The following RSRC1 variants were observed in gnomAD, a reference collection of about 807,000 sequenced individuals.
RSRC1 encodes the protein serine/Arginine-related protein 53.
In RSRC1, 39 loss-of-function variants were observed where a neutral mutation model predicts 49.1. The ratio of observed to expected loss-of-function variants is 0.79; its 90% confidence interval spans 0.61 to 1.04. The LOEUF (loss-of-function observed/expected upper bound fraction) is 1.04. RSRC1 is among the 50% of genes least tolerant of loss of function. The pLI, the probability that RSRC1 is intolerant of heterozygous loss-of-function variation, is 0.00. For synonymous variants in RSRC1, 143 were observed against 130.8 expected, an observed-to-expected ratio of 1.09 and a Z score of -0.63; for missense variants, 388 against 402.4, an observed-to-expected ratio of 0.96 and a Z score of 0.31.
At chr3:158,334,845 C>T (rs1729796666) in intron 5 of RSRC1, among the ~76,000 whole-genome samples, 1 of 152,120 alleles carries the variant, frequency 6.6e-6, no homozygotes, top group Non-Finnish European at 1.5e-5. Context: ...TTAAACATTT[C>T]TGCTTAGTGG....
intron 3 of RSRC1, among the ~76,000 whole-genome samples, chr3:158,150,372 G>A (rs1478099136): frequency 6.6e-6 from 1 of 152,076 alleles, no homozygotes; most frequent in African/African-American, 2.4e-5. Context: ...TTGTATTTGG[G>A]GGAAATCACA....
intron 3 of RSRC1, among the ~76,000 whole-genome samples, chr3:158,179,990 A>G (rs551842546): frequency 6.6e-6 from 1 of 152,312 alleles, no homozygotes; most frequent in South Asian, 2.1e-4. Context: ...AATGATGCTG[A>G]ACAACTTTTC....
intron 3 of RSRC1, among the ~76,000 whole-genome samples, chr3:158,159,333 G>A (rs1404788523): frequency 6.6e-6 from 1 of 152,126 alleles, no homozygotes; most frequent in East Asian, 1.9e-4. Context: ...GAATGTGATG[G>A]CCATTCACCA....
At chr3:158,269,017 C>T (rs1322915738) in intron 4 of RSRC1, among the ~76,000 whole-genome samples, 1 of 151,954 alleles carries the variant, frequency 6.6e-6, no homozygotes, top group Admixed American at 6.6e-5. Flanking sequence ...AGGTTATAAC[C>T]TTAAAGTTTT....
chr3:158,150,930 C>G (rs1482796309), intron 3 of RSRC1, among the ~76,000 whole-genome samples: 1 of 152,126 alleles, frequency 6.6e-6, no homozygotes, highest in Non-Finnish European at 1.5e-5. Flanking sequence ...AACTTCATAA[C>G]CTATACCAGT....
At chr3:158,236,047 C>T (rs1049937404) in intron 4 of RSRC1, among the ~76,000 whole-genome samples, 6 of 150,970 alleles carry the variant, frequency 4.0e-5, no homozygotes, top group South Asian at 2.1e-4. Context: ...ACTCAGGAGG[C>T]GGAGGTTGCA....
chr3:158,178,693 T>C (rs1354736668), intron 3 of RSRC1, among the ~76,000 whole-genome samples: 1 of 152,198 alleles, frequency 6.6e-6, no homozygotes, highest in Non-Finnish European at 1.5e-5. Flanking sequence ...GTAGACATGA[T>C]CATTGGAATT....
intron 3 of RSRC1, among the ~76,000 whole-genome samples, chr3:158,188,761 A>G (rs1720064383): frequency 6.6e-6 from 1 of 151,968 alleles, no homozygotes; most frequent in African/African-American, 2.4e-5. Context: ...TGAAGAGTTT[A>G]TCAACCTTAT....
At chr3:158,358,808 G>A (rs1019359390) in intron 6 of RSRC1, among the ~76,000 whole-genome samples, 4 of 151,570 alleles carry the variant, frequency 2.6e-5, no homozygotes, top group Non-Finnish European at 5.9e-5. Flanking sequence ...CTCTGTCTCC[G>A]TTTGTCTATT....
chr3:158,365,737 T>A (rs1731727345), intron 6 of RSRC1, among the ~76,000 whole-genome samples: 1 of 152,206 alleles, frequency 6.6e-6, no homozygotes, highest in Non-Finnish European at 1.5e-5. Flanking sequence ...TCATCCACAA[T>A]GGTTGGATTA....
intron 3 of RSRC1, among the ~76,000 whole-genome samples, chr3:158,160,860 A>G (rs1288528372): frequency 6.6e-6 from 1 of 152,186 alleles, no homozygotes; most frequent in Non-Finnish European, 1.5e-5. Flanking sequence ...TGTCAGCATC[A>G]CCTTAACTTT....
At chr3:158,206,795 T>C (rs1721366915) in intron 4 of RSRC1, among the ~76,000 whole-genome samples, 2 of 152,208 alleles carry the variant, frequency 1.3e-5, no homozygotes, top group Non-Finnish European at 2.9e-5. Flanking sequence ...GTGCCTGTAA[T>C]CCCAGCTACT....
intron 5 of RSRC1, chr3:158,336,833 T>C (rs904527949): frequency 2.6e-5 from 4 of 152,160 alleles, no homozygotes; most frequent in Non-Finnish European, 5.9e-5. Context: ...TGATATTCCT[T>C]ATGTTCGTCT....
chr3:158,116,815 A>G (rs531323195), intron 1 of RSRC1, among the ~76,000 whole-genome samples: 10 of 152,286 alleles, frequency 6.6e-5, no homozygotes, highest in Admixed American at 2.0e-4. Context: ...GTAAGCTTCT[A>G]TAGGGAAAGG....
At chr3:158,253,204 A>T (rs1724326472) in intron 4 of RSRC1, among the ~76,000 whole-genome samples, 1 of 151,660 alleles carries the variant, frequency 6.6e-6, no homozygotes, top group African/African-American at 2.4e-5. Context: ...GTAGATTCTT[A>T]TTCCTGTAAA....
intron 7 of RSRC1, among the ~76,000 whole-genome samples, chr3:158,502,836 C>CTA (rs558892714): frequency 6.7e-4 from 102 of 152,266 alleles, no homozygotes; most frequent in African/African-American, 2.3e-3. Context: ...AGCTTAATAA[C>CTA]TAACCTCCTG....
At chr3:158,180,266 G>A (rs1279440211) in intron 3 of RSRC1, among the ~76,000 whole-genome samples, 1 of 151,576 alleles carries the variant, frequency 6.6e-6, no homozygotes, top group East Asian at 1.9e-4. Context: ...TGCTTTTGGT[G>A]TCAAATCCAA....
chr3:158,298,320 G>A lies in RSRC1; in HGVS notation c.531+245G>A, dbSNP rs529512061. Among the ~76,000 whole-genome samples the A allele has an allele frequency of 6.2e-4, 95 of 152,026 alleles. 1 individual carries two copies. In the South Asian group the frequency reaches 0.02, roughly 31 times the overall value. ...TGAAATAAAATGGATGACAATCCTT[G>A]GATTGATGCTTGCTTTAATTATAAA... On this transcript the variant is annotated intron_variant, in intron 5 of 9. Coordinates refer to ENST00000611884, the MANE Select transcript of RSRC1 (RefSeq NM_001271838.2).
At chr3:158,532,702 A>G (rs2031470468) in intron 7 of RSRC1, among the ~76,000 whole-genome samples, 1 of 151,846 alleles carries the variant, frequency 6.6e-6, no homozygotes, top group African/African-American at 2.4e-5. Flanking sequence ...TGAAGTATAT[A>G]TCCCTTCCAT....
Sources: gnomAD v4.1 joint callset for allele counts (sites outside exome capture counted in the v4.1 genomes callset) on GRCh38, gnomAD v4.1.1 for gene constraint, MANE v1.5 for transcripts, NCBI Gene and HGNC (gene_info 2026-07-23, HGNC 2026-07-21) for gene names.